Variants in CCDC174 observed in about 807,000 individuals in gnomAD.
The protein encoded by CCDC174 is coiled-coil domain containing 174.
CCDC174 carries 37 observed loss-of-function variants against 57.1 expected under a neutral mutation model. That is an observed-to-expected ratio of 0.65 (90% CI 0.50 to 0.85). CCDC174 has a LOEUF of 0.85. CCDC174 is among the 40% of genes least tolerant of loss of function. The pLI, the probability that CCDC174 is intolerant of heterozygous loss-of-function variation, is 0.00. For missense variants in CCDC174, 540 were observed against 574.3 expected (o/e 0.94, Z 0.61); for synonymous variants, 182 against 190.2 (o/e 0.96, Z 0.35).
chr3:14,666,004 C>T (rs1298691666), intron 6 of CCDC174, among the ~76,000 whole-genome samples: 1 of 137,342 alleles, frequency 7.3e-6, no homozygotes, highest in Non-Finnish European at 1.5e-5. Flanking sequence ...CGCCACTGCA[C>T]TCCAGTCTGG....
intron 4 of CCDC174, among the ~76,000 whole-genome samples, chr3:14,660,685 T>C (rs1489097066): frequency 6.6e-6 from 1 of 152,164 alleles, no homozygotes. Context: ...GCAAGTTATA[T>C]TTTGGAGCCT....
chr3:14,661,624 T>C lies in CCDC174; in HGVS notation c.402T>C (p.Ser134=). The change falls in exon 5 of 11, where the codon TCT becomes TCC. Residue 134 remains serine (S), a synonymous_variant. Transcript: ENST00000383794. ...AGGCATCTGGTGCCCATAGAGATTC[T>C]CAAAAGGCAGGAGAAAGGGACGACG... is the stretch of plus-strand genomic sequence containing the variant. ...EMEASGAHRD[S]QKAGERDDDE... 6.2e-7 allele frequency: 1 copy of C among 1,614,110 alleles called. No homozygotes were observed. Among genetic ancestry groups the C allele is most frequent in the Non-Finnish European group, 8.5e-7 (1 of 1,180,004 alleles).
intron 6 of CCDC174, among the ~76,000 whole-genome samples, chr3:14,665,659 G>A (rs1367055480): frequency 2.0e-5 from 3 of 152,190 alleles, no homozygotes; most frequent in African/African-American, 7.2e-5. Context: ...TATGTGAAAA[G>A]TGTTGGGAGA....
rs1424759268 is a variant in CCDC174, at chr3:14,671,517, T to C, written c.*323T>C. The C allele has an allele frequency of 4.3e-6, 1 of 233,174 alleles. No homozygotes were observed. Among genetic ancestry groups the C allele is most frequent in the Non-Finnish European group, 8.2e-6 (1 of 121,300 alleles). The allele number at this position is 233,174 out of a possible 1,614,324, so 14.4% of individuals were successfully genotyped here. On this transcript the variant is annotated 3_prime_UTR_variant, in exon 11 of 11. Coordinates refer to ENST00000383794, the MANE Select transcript of CCDC174 (RefSeq NM_016474.5). Reference sequence around the variant, plus strand: ...TATCTACTCCCACGACTTACTCATATTTAAGGGTTCTTTTCCATTCCTTTT... The same window carrying C: ...TATCTACTCCCACGACTTACTCATACTTAAGGGTTCTTTTCCATTCCTTTT...
At chr3:14,657,932 A>C (rs542973507) in intron 3 of CCDC174, among the ~76,000 whole-genome samples, 5 of 152,180 alleles carry the variant, frequency 3.3e-5, no homozygotes, top group Admixed American at 2.6e-4. Context: ...TTGACTTTTA[A>C]ATTTTTTCTA....
intron 5 of CCDC174, among the ~76,000 whole-genome samples, chr3:14,664,157 A>G (rs2031240816): frequency 6.6e-6 from 1 of 152,212 alleles, no homozygotes; most frequent in African/African-American, 2.4e-5. Context: ...AATCACAACT[A>G]ACAATTGAAA....
At chr3:14,668,454 ATAT>A (rs1347994594) in intron 9 of CCDC174, among the ~76,000 whole-genome samples, 1 of 152,184 alleles carries the variant, frequency 6.6e-6, no homozygotes, top group African/African-American at 2.4e-5. Flanking sequence ...TAGTAAAGAG[ATAT>A]TTTAAGATAA....
chr3:14,663,159 T>C (rs1286984693), intron 5 of CCDC174, among the ~76,000 whole-genome samples: 2 of 152,160 alleles, frequency 1.3e-5, no homozygotes, highest in Non-Finnish European at 2.9e-5. Flanking sequence ...GCTGAAGCAA[T>C]CCTCCTGCCT....
chr3:14,666,110 TG>T (rs1021427254), intron 6 of CCDC174, among the ~76,000 whole-genome samples: 1 of 150,890 alleles, frequency 6.6e-6, no homozygotes, highest in Non-Finnish European at 1.5e-5. Context: ...CCCAGCCATC[TG>T]CAAGGACAGG....
chr3:14,656,080 T>C (rs1230840514), intron 3 of CCDC174, among the ~76,000 whole-genome samples: 1 of 152,164 alleles, frequency 6.6e-6, no homozygotes, highest in Non-Finnish European at 1.5e-5. Context: ...CACACACGCG[T>C]GTGTAGAGAG....
intron 3 of CCDC174, among the ~76,000 whole-genome samples, chr3:14,656,938 A>G (rs769182158): frequency 7.0e-4 from 106 of 152,214 alleles, no homozygotes; most frequent in Non-Finnish European, 4.7e-4. Context: ...TTGCTCAGCA[A>G]TCTTGGGTCT....
chr3:14,661,525 C>G lies in CCDC174; in HGVS notation c.308-5C>G, dbSNP rs1404925937. 6.9e-6 allele frequency: 11 copies of G among 1,590,934 alleles called. No homozygotes were observed. Among genetic ancestry groups the G allele is most frequent in the Non-Finnish European group, 8.5e-6 (10 of 1,171,664 alleles). On this transcript the variant is annotated splice_region_variant and splice_polypyrimidine_tract_variant and intron_variant, in intron 4 of 10. Coordinates refer to ENST00000383794, the MANE Select transcript of CCDC174 (RefSeq NM_016474.5). ...GATGTCTGAAAACTGATTTTTATGT[C>G]CTAGATGAAGAAGTAGAGGATATGT... is the stretch of plus-strand genomic sequence containing the variant.
chr3:14,667,900 G>A, intron 8 of CCDC174, 149 bp from the exon 9 acceptor site: 2 of 691,720 alleles, frequency 2.9e-6, no homozygotes, highest in Non-Finnish European at 2.4e-6. Flanking sequence ...TACTTCATAG[G>A]GCTTCATTGT....
At position 14,672,337 on chromosome 3, in the gene CCDC174, G is replaced by C. The variant is rs1489178141; in HGVS notation, c.*1143G>C. On this transcript the variant is annotated 3_prime_UTR_variant, in exon 11 of 11. Transcript: ENST00000383794. ...TTCCCGCAGTGCTGCAGTGTGGAAGGGAGTGCCCCATCCTCATTACAGATG... is the reference window on the plus strand; with the variant it reads ...TTCCCGCAGTGCTGCAGTGTGGAAGCGAGTGCCCCATCCTCATTACAGATG... 2.6e-5 allele frequency: 4 copies of C among 152,350 alleles called. No individual in the cohort carries two copies. The highest frequency in any genetic ancestry group is 9.7e-5 in the African/African-American group (4 of 41,448). 9.4% of individuals were successfully genotyped at this position (152,350 alleles called of 1,614,324 possible). A position where few individuals can be genotyped will look rare whatever the true frequency, so the allele number is the denominator to read the frequency against.
Position 14,665,077 on chromosome 3 carries a change from G to A in CCDC174, c.535G>A (p.Asp179Asn), listed in dbSNP as rs1171316664. 1 of 1,614,152 alleles carries A rather than the reference G, an allele frequency of 6.2e-7. No homozygotes were observed. Among genetic ancestry groups the A allele is most frequent in the Non-Finnish European group, 8.5e-7 (1 of 1,179,994 alleles). ...GCGTTCCCGGCGCTGTATGAGAAAGGATTTGCCAGATCTGCTGGAGATGGA... is the reference window on the plus strand; with the variant it reads ...GCGTTCCCGGCGCTGTATGAGAAAGAATTTGCCAGATCTGCTGGAGATGGA... ...LGRSRRCMRK[D>N]LPDLLEMDKN... Residue 179 changes from aspartate (D) to asparagine (N), a missense_variant, in exon 6 of 11, where the codon GAT becomes AAT. Physicochemically the swap from Asp to Asn is conservative, Grantham distance 23. Transcript: ENST00000383794.
At chr3:14,662,541 C>A (rs960753154) in intron 5 of CCDC174, among the ~76,000 whole-genome samples, 1 of 152,188 alleles carries the variant, frequency 6.6e-6, no homozygotes, top group Non-Finnish European at 1.5e-5. Context: ...AATTCTGTTA[C>A]AATGATTTTT....
chr3:14,664,175 TG>T (rs2124842689), intron 5 of CCDC174, among the ~76,000 whole-genome samples: 1 of 152,280 alleles, frequency 6.6e-6, no homozygotes, highest in Non-Finnish European at 1.5e-5. Context: ...AAATCAGCAT[TG>T]CTTGAGAGGA....
At position 14,668,097 on chromosome 3, in the gene CCDC174, G is replaced by A; in HGVS notation, c.868G>A (p.Ala290Thr). The A allele has an allele frequency of 2.5e-6, 4 of 1,606,698 alleles. No homozygotes were observed. The highest frequency in any genetic ancestry group is 1.3e-5 in the African/African-American group (1 of 74,576). The change falls in exon 9 of 11, where the codon GCT (alanine) becomes ACT (threonine). Residue 290 changes from alanine to threonine, a missense_variant. Physicochemically the swap from Ala to Thr is moderately conservative, Grantham distance 58. Transcript: ENST00000383794. ...KRENIKEKRK[A>T]ILEARLAKLR... is the part of the protein sequence containing the mutation. ...AGAAAACATAAAGGAAAAGCGAAAGGCTATCTTAGAGGCAAGACTTGCCAA... is the reference window on the plus strand; with the variant it reads ...AGAAAACATAAAGGAAAAGCGAAAGACTATCTTAGAGGCAAGACTTGCCAA...
rs376781661 is a variant in CCDC174, at chr3:14,668,122, A to C, written c.893A>C (p.Lys298Thr). 7.1e-5 allele frequency: 115 copies of C among 1,611,604 alleles called. No homozygotes were observed. Among genetic ancestry groups the C allele is most frequent in the Non-Finnish European group, 8.5e-5 (100 of 1,179,078 alleles). Residue 298 changes from lysine to threonine, a missense_variant, in exon 9 of 11, where the codon AAA (lysine) becomes ACA (threonine). Physicochemically the swap from Lys to Thr is moderately conservative, Grantham distance 78. Coordinates refer to ENST00000383794, the MANE Select transcript of CCDC174 (RefSeq NM_016474.5). ...RKAILEARLA[K>T]LRQKKMKKSK... The stretch of plus-strand genomic sequence containing the variant: ...GCTATCTTAGAGGCAAGACTTGCCA[A>C]ACTTCGACAAAAAAAGATGAAAAAA...
Sources: gnomAD v4.1 joint callset for allele counts (sites outside exome capture counted in the v4.1 genomes callset) on GRCh38, gnomAD v4.1.1 for gene constraint, MANE v1.5 for transcripts, NCBI Gene and HGNC (gene_info 2026-07-23, HGNC 2026-07-21) for gene names.